The following SI variants were observed in gnomAD, a reference collection of about 807,000 sequenced individuals.
The protein encoded by SI is sucrase-isomaltase, intestinal.
SI carries 235 observed loss-of-function variants against 253.3 expected under a neutral mutation model. That is an observed-to-expected ratio of 0.93 (90% CI 0.83 to 1.03). SI has a LOEUF of 1.03. Among genes scored for constraint, SI ranks in the 50% least tolerant of loss-of-function variants. The pLI is 0.00. For synonymous variants in SI, 819 were observed against 712.0 expected (o/e 1.15, Z -2.39); for missense variants, 2,442 against 2,211.1 (o/e 1.10, Z -2.09).
In SI at chr3:164,987,270, G is replaced by A. The variant is rs760019405; in HGVS notation, c.5109-44C>T. 6.8e-6 allele frequency: 10 copies of A among 1,472,822 alleles called. No homozygotes were observed. The South Asian group carries it at 1.0e-4, about 15-fold the overall frequency. 91.2% of individuals were successfully genotyped at this position (1,472,822 alleles called of 1,614,324 possible). A position where few individuals can be genotyped will look rare whatever the true frequency, so the allele number is the denominator to read the frequency against. Reference sequence around the variant, plus strand: ...TAATTTTACCCATGTTTGTAGAATAGCATATGTCTAGTTATGATATGACAT... The same window carrying A: ...TAATTTTACCCATGTTTGTAGAATAACATATGTCTAGTTATGATATGACAT... On this transcript the variant is annotated intron_variant, in intron 44 of 47. Coordinates refer to ENST00000264382, the MANE Select transcript of SI (RefSeq NM_001041.4).
At chr3:165,070,089 C>T (rs1395753934) in intron 3 of SI, among the ~76,000 whole-genome samples, 1 of 144,824 alleles carries the variant, frequency 6.9e-6, no homozygotes, top group African/African-American at 2.5e-5. Flanking sequence ...AGTATATGTA[C>T]TATATATTTA....
chr3:165,019,645 T>C lies in SI; in HGVS notation c.3380A>G (p.Asn1127Ser). ...VEHTAFKRDL[N>S]WNTWGMFTRD... ...TGTGAACATTCCCCAAGTATTCCAG[T>C]TCAGATCTCGCTTAAATGCTGTATG... Residue 1127 changes from asparagine (N) to serine (S), a missense_variant, in exon 28 of 48, where the codon AAC becomes AGC. By Grantham distance (46) the Asn-to-Ser change is conservative (BLOSUM62 1). Coordinates refer to ENST00000264382, the MANE Select transcript of SI (RefSeq NM_001041.4). The C allele has an allele frequency of 6.2e-7, 1 of 1,612,666 alleles. No individual in the cohort carries two copies. Among genetic ancestry groups the C allele is most frequent in the Non-Finnish European group, 8.5e-7 (1 of 1,179,102 alleles).
rs1204836732 is a variant in SI, at chr3:164,979,349, T to C, written c.*13A>G. The stretch of plus-strand genomic sequence containing the variant: ...TGTTTTTTCCCATTGACAACTAAAA[T>C]TGATGGTGATCTTCATGACCAGTTG... On this transcript the variant is annotated 3_prime_UTR_variant, in exon 48 of 48. Transcript: ENST00000264382. The C allele has an allele frequency of 2.6e-6, 4 of 1,539,930 alleles. No individual in the cohort carries two copies. Among genetic ancestry groups the C allele is most frequent in the Admixed American group, 3.4e-5 (2 of 59,610 alleles).
the SI span, among the ~76,000 whole-genome samples, chr3:165,084,959 T>A: frequency 1.3e-5 from 2 of 152,108 alleles, no homozygotes; most frequent in Non-Finnish European, 1.5e-5. Flanking sequence ...CTACTTTTAA[T>A]TAAATATTTG....
At chr3:165,073,918 A>G (rs1305882813) in intron 3 of SI, among the ~76,000 whole-genome samples, 4 of 151,986 alleles carry the variant, frequency 2.6e-5, no homozygotes, top group Admixed American at 2.0e-4. Context: ...GTATCCTCAG[A>G]AGTCCTGAAA....
At position 165,020,893 on chromosome 3, in the gene SI, T is replaced by C. The variant is rs568549011; in HGVS notation, c.3254+336A>G. 1.3e-4 allele frequency among the ~76,000 whole-genome samples: 19 copies of C among 151,810 alleles called. No individual in the cohort carries two copies. In the South Asian group the frequency reaches 3.9e-3, roughly 31 times the overall value. On this transcript the variant is annotated intron_variant, in intron 27 of 47. Transcript: ENST00000264382. ...TCAACAGTTTCAATAAAATATTTACTTCACTTGTTTCCAAATACTTATTTT... is the reference window on the plus strand; with the variant it reads ...TCAACAGTTTCAATAAAATATTTACCTCACTTGTTTCCAAATACTTATTTT...
intron 12 of SI, 57 bp downstream of exon 12, chr3:165,058,906 T>C: frequency 7.6e-7 from 1 of 1,321,362 alleles, no homozygotes; most frequent in Non-Finnish European, 1.1e-6. Context: ...ACAGAAACTT[T>C]ATTATTTCAG....
At position 165,017,887 on chromosome 3, in the gene SI, A is replaced by G. The variant is rs746724514; in HGVS notation, c.3521-14T>C. The G allele has an allele frequency of 6.3e-7, 1 of 1,596,748 alleles. No homozygotes were observed. Among genetic ancestry groups the G allele is most frequent in the Admixed American group, 1.7e-5 (1 of 59,860 alleles). On this transcript the variant is annotated splice_polypyrimidine_tract_variant and intron_variant, in intron 29 of 47. Coordinates refer to ENST00000264382, the MANE Select transcript of SI (RefSeq NM_001041.4). ...GGAATGTAACATCTGGAAATCCAAAATAACATCCCATTTTCATCTATGTAT... is the reference window on the plus strand; with the variant it reads ...GGAATGTAACATCTGGAAATCCAAAGTAACATCCCATTTTCATCTATGTAT...
At chr3:165,049,336 G>A in intron 14 of SI, 92 bp from the exon 15 acceptor site, 2 of 792,512 alleles carry the variant, frequency 2.5e-6, no homozygotes, top group Admixed American at 2.1e-5. Flanking sequence ...CTTTTCATTT[G>A]TGTTATGAAA....
Position 165,030,886 on chromosome 3 carries a change from AAAAAG to A in SI, c.2737-24_2737-20del, listed in dbSNP as rs1221060749. On this transcript the variant is annotated intron_variant, in intron 24 of 47. Transcript: ENST00000264382. ...GGAGAACCTTTGAAGACAAAAAAAA[AAAAAG>A]AAAAAAAGAAAAAAAAAACACAAAC... 3.0e-5 allele frequency: 45 copies of A among 1,523,224 alleles called. No homozygotes were observed. Among genetic ancestry groups the A allele is most frequent in the Non-Finnish European group, 3.8e-5 (43 of 1,137,456 alleles). 94.4% of individuals were successfully genotyped at this position (1,523,224 alleles called of 1,614,324 possible). A position where few individuals can be genotyped will look rare whatever the true frequency, so the allele number is the denominator to read the frequency against.
chr3:164,981,783 A>G (rs1029389580), intron 47 of SI, among the ~76,000 whole-genome samples: 1 of 152,178 alleles, frequency 6.6e-6, no homozygotes, highest in South Asian at 2.1e-4. Flanking sequence ...ACTGGCAGCA[A>G]TGATGCTTTA....
the SI span, among the ~76,000 whole-genome samples, chr3:165,087,114 A>T: frequency 4.6e-5 from 7 of 151,658 alleles, no homozygotes; most frequent in African/African-American, 1.7e-4. Flanking sequence ...AGGGCAATGA[A>T]ATAGAAACAA....
Position 165,039,132 on chromosome 3 carries a change from T to C in SI, c.2247A>G (p.Gly749=). Residue 749 remains glycine, a splice_region_variant and synonymous_variant, in exon 20 of 48, where the codon GGA becomes GGG. Coordinates refer to ENST00000264382, the MANE Select transcript of SI (RefSeq NM_001041.4). ...GGATGTAGGCACTCACAGTATCTGC[T>C]CCCTAAAATAAAGATAATATGTATT... ...ALLITPVLKQ[G]ADTVSAYIPD... is the part of the protein sequence containing the mutation. The C allele has an allele frequency of 6.3e-7, 1 of 1,576,536 alleles. No individual in the cohort carries two copies. The highest frequency in any genetic ancestry group is 8.7e-7 in the Non-Finnish European group (1 of 1,148,126).
chr3:165,021,947 A>C (rs2108184885), intron 26 of SI, among the ~76,000 whole-genome samples: 1 of 151,744 alleles, frequency 6.6e-6, no homozygotes, highest in Non-Finnish European at 1.5e-5. Context: ...TTAAATTAAA[A>C]GCATTTATTT....
Position 165,019,616 on chromosome 3 carries a change from C to T in SI, c.3409G>A (p.Asp1137Asn), listed in dbSNP as rs757669730. ...NWNTWGMFTR[D>N]QPPGYKLNSY... ...TTGGTACCTACACCAGGGGGTTGGT[C>T]TCTTGTGAACATTCCCCAAGTATTC... Residue 1137 changes from aspartate (D) to asparagine (N), a missense_variant, in exon 28 of 48, where the codon GAC becomes AAC. Physicochemically the swap from Asp to Asn is conservative, Grantham distance 23 (BLOSUM62 1). Transcript: ENST00000264382. 7 of 1,612,364 alleles carry T rather than the reference C, an allele frequency of 4.3e-6. No individual in the cohort carries two copies. Among genetic ancestry groups the T allele is most frequent in the Admixed American group, 1.7e-5 (1 of 59,790 alleles).
intron 15 of SI, among the ~76,000 whole-genome samples, chr3:165,047,369 G>GC (rs200484695): frequency 0.017 from 2,526 of 151,856 alleles, 67 homozygotes; most frequent in African/African-American, 0.057. Flanking sequence ...TGATTGTGAG[G>GC]CCCCCCCAGC....
intron 38 of SI, among the ~76,000 whole-genome samples, chr3:164,997,711 A>T (rs1370813664): frequency 6.6e-6 from 1 of 151,624 alleles, no homozygotes. Flanking sequence ...CACAGTGTTT[A>T]GCTCCCAGTT....
chr3:165,089,426 A>C, the SI span, among the ~76,000 whole-genome samples: 2 of 152,112 alleles, frequency 1.3e-5, no homozygotes, highest in Non-Finnish European at 2.9e-5. Flanking sequence ...AAACAGTGTC[A>C]AAGAGAAGCC....
intron 12 of SI, among the ~76,000 whole-genome samples, chr3:165,057,164 A>G (rs1371452972): frequency 6.6e-6 from 1 of 151,920 alleles, no homozygotes; most frequent in Non-Finnish European, 1.5e-5. Flanking sequence ...AGAATCAAGC[A>G]GAAACTTGAG....
Sources: allele counts gnomAD v4.1 joint callset (sites outside exome capture counted in the v4.1 genomes callset), GRCh38; gene constraint gnomAD v4.1.1; transcripts MANE v1.5; gene names NCBI Gene and HGNC (gene_info 2026-07-23, HGNC 2026-07-21).